The following MAML2 variants were observed in gnomAD, a reference collection of about 807,000 sequenced individuals.
MAML2 encodes the protein mastermind-like protein 2.
Under a neutral mutation model 96.1 loss-of-function variants are expected in MAML2, and 22 were observed. The ratio of observed to expected loss-of-function variants is 0.23; its 90% CI spans 0.16 to 0.33. The LOEUF is 0.33. Ranked by LOEUF, MAML2 falls within the 10% of genes least tolerant of loss-of-function variation. The pLI is 1.00. For missense variants in MAML2, 1,367 were observed against 1,392.4 expected (o/e 0.98, Z 0.29); for synonymous variants, 561 against 521.3 (o/e 1.08, Z -1.04).
At chr11:96,102,913 A>T (rs913192471) in intron 1 of MAML2, among the ~76,000 whole-genome samples, 14 of 152,266 alleles carry the variant, frequency 9.2e-5, no homozygotes, top group Admixed American at 6.5e-5. Flanking sequence ...AAGCAAATCC[A>T]AAGTAAATGC....
intron 1 of MAML2, among the ~76,000 whole-genome samples, chr11:96,246,170 A>G (rs79686966): frequency 0.14 from 21,390 of 152,086 alleles, 1,693 homozygotes; most frequent in East Asian, 0.22. Flanking sequence ...TAAGAACTGG[A>G]TAAGTGACAA....
intron 2 of MAML2, among the ~76,000 whole-genome samples, chr11:95,996,010 C>A (rs146936463): frequency 6.6e-5 from 10 of 152,230 alleles, no homozygotes; most frequent in African/African-American, 2.4e-4. Context: ...ATACATTTAC[C>A]TATGTAACAA....
intron 1 of MAML2, among the ~76,000 whole-genome samples, chr11:96,105,640 A>AC (rs1259142376): frequency 3.3e-5 from 5 of 152,134 alleles, no homozygotes; most frequent in African/African-American, 1.2e-4. Flanking sequence ...TTGAAGAAAT[A>AC]TTTTTCTTAT....
In MAML2 at chr11:96,298,296, A is replaced by G. The variant is rs147118813; in HGVS notation, c.513+43087T>C. 3.9e-5 allele frequency among the ~76,000 whole-genome samples: 6 copies of G among 152,340 alleles called. No homozygotes were observed. In the South Asian group the frequency reaches 6.2e-4, roughly 16 times the overall value. On this transcript the variant is annotated intron_variant, in intron 1 of 4. Transcript: ENST00000524717. Reference sequence around the variant, plus strand: ...GCATATGTGCTAAGTGATTATAATCATGCAAGAAAGTTCTTTGCAGAGAAA... The same window carrying G: ...GCATATGTGCTAAGTGATTATAATCGTGCAAGAAAGTTCTTTGCAGAGAAA...
chr11:95,990,369 A>G (rs1398145697), intron 3 of MAML2, among the ~76,000 whole-genome samples: 1 of 151,860 alleles, frequency 6.6e-6, no homozygotes, highest in Non-Finnish European at 1.5e-5. Context: ...TCTCGTGCAC[A>G]CTCAATACCT....
At chr11:96,228,334 T>C (rs192494754) in intron 1 of MAML2, among the ~76,000 whole-genome samples, 1 of 152,314 alleles carries the variant, frequency 6.6e-6, no homozygotes, top group East Asian at 1.9e-4. Flanking sequence ...TAAAGCTCTT[T>C]AATTTATCTT....
chr11:96,001,217 A>G (rs1040995938), intron 2 of MAML2, among the ~76,000 whole-genome samples: 6 of 152,214 alleles, frequency 3.9e-5, no homozygotes. Context: ...GTGGACACGT[A>G]TTACGGGTTG....
intron 1 of MAML2, among the ~76,000 whole-genome samples, chr11:96,255,197 T>C (rs767675385): frequency 1.3e-5 from 2 of 152,216 alleles, no homozygotes; most frequent in Non-Finnish European, 2.9e-5. Flanking sequence ...TAATACCTTC[T>C]CACTGTGCTA....
chr11:96,285,843 C>T (rs1312693396), intron 1 of MAML2, among the ~76,000 whole-genome samples: 1 of 152,012 alleles, frequency 6.6e-6, no homozygotes, highest in Non-Finnish European at 1.5e-5. Context: ...GGTGAGGTTG[C>T]AAAGAAAAAG....
intron 1 of MAML2, among the ~76,000 whole-genome samples, chr11:96,154,414 A>G (rs1478336372): frequency 2.0e-5 from 3 of 152,212 alleles, no homozygotes; most frequent in Non-Finnish European, 4.4e-5. Flanking sequence ...CCTCTCAGAC[A>G]TTATCCAGGT....
chr11:96,173,422 G>A (rs1488369514), intron 1 of MAML2, among the ~76,000 whole-genome samples: 1 of 152,122 alleles, frequency 6.6e-6, no homozygotes, highest in Non-Finnish European at 1.5e-5. Context: ...GGAGATAAAG[G>A]CCTGGAGCTC....
chr11:96,034,456 A>AGAGTGTGTGTGTGT (rs766634690), intron 2 of MAML2, among the ~76,000 whole-genome samples: 2 of 144,734 alleles, frequency 1.4e-5, no homozygotes, highest in South Asian at 2.2e-4. Flanking sequence ...AGAGAGAGAG[A>AGAGTGTGTGTGTGT]GTGTGTGTGT....
intron 1 of MAML2, among the ~76,000 whole-genome samples, chr11:96,126,255 C>G (rs1210488453): frequency 2.0e-5 from 3 of 152,084 alleles, no homozygotes; most frequent in Non-Finnish European, 4.4e-5. Context: ...AAAATGACAG[C>G]AGTAAAAACA....
At chr11:96,325,946 C>T (rs1008121120) in intron 1 of MAML2, among the ~76,000 whole-genome samples, 2 of 152,024 alleles carry the variant, frequency 1.3e-5, no homozygotes, top group African/African-American at 2.4e-5. Context: ...ATGGTTATCA[C>T]CTTCCACAGA....
At chr11:96,173,097 A>G (rs1038803188) in intron 1 of MAML2, among the ~76,000 whole-genome samples, 6 of 152,162 alleles carry the variant, frequency 3.9e-5, no homozygotes, top group South Asian at 2.1e-4. Context: ...CTATGCAAAC[A>G]TACTACTCCT....
At chr11:96,167,992 T>G (rs905847577) in intron 1 of MAML2, among the ~76,000 whole-genome samples, 2 of 152,182 alleles carry the variant, frequency 1.3e-5, no homozygotes, top group Admixed American at 6.5e-5. Context: ...CTCCTGCGGT[T>G]GGGGCTGGGA....
Position 96,092,876 on chromosome 11 carries a change from TG to T in MAML2, c.1154del (p.Pro385HisfsTer55). ...GPSGSPQLRPPSAGPAFSMAN... is the reference protein window; with the variant it reads ...GPSGSPQLRPXSAGPAFSMAN... Reference sequence around the variant, plus strand: ...CCATGGAGAATGCGGGGCCAGCTGATGGGGGCCTCAGCTGAGGAGAGCCTGA... The same window carrying T: ...CCATGGAGAATGCGGGGCCAGCTGATGGGGCCTCAGCTGAGGAGAGCCTGA... On this transcript the variant is annotated frameshift_variant, in exon 2 of 5. Transcript: ENST00000524717. LOFTEE classifies it high-confidence loss of function. This position sits in a 1 kb window ranked among gnomAD's most constrained non-coding sequence, Gnocchi z 4.1. 1 of 1,605,818 alleles carries T rather than the reference TG, an allele frequency of 6.2e-7. No homozygotes were observed.
chr11:96,140,616 GAGCAGTGCTGCCAGAGGT>G (rs1351546043), intron 1 of MAML2, among the ~76,000 whole-genome samples: 1 of 152,178 alleles, frequency 6.6e-6, no homozygotes, highest in Non-Finnish European at 1.5e-5. Flanking sequence ...ATATAGCCTG[GAGCAGTGCTGCCAGAGGT>G]AGCAGTGTTG....
At chr11:96,070,015 T>C (rs1408201265) in intron 2 of MAML2, among the ~76,000 whole-genome samples, 8 of 149,380 alleles carry the variant, frequency 5.4e-5, no homozygotes, top group Admixed American at 2.7e-4. Context: ...AGAGTGAGAC[T>C]CTGTCTCAAA....
Sources: allele counts gnomAD v4.1 joint callset (sites outside exome capture counted in the v4.1 genomes callset), GRCh38; gene constraint gnomAD v4.1.1; non-coding constraint Gnocchi (gnomAD v3.1); transcripts MANE v1.5; gene names NCBI Gene and HGNC (gene_info 2026-07-23, HGNC 2026-07-21).